The following HPSE2 variants were observed in gnomAD, a reference collection of about 807,000 sequenced individuals.
The protein encoded by HPSE2 is inactive heparanase-2.
Under a neutral mutation model 60.5 loss-of-function variants are expected in HPSE2, and 38 were observed. The ratio of observed to expected loss-of-function variants is 0.63; its 90% confidence interval spans 0.48 to 0.82. The LOEUF (loss-of-function observed/expected upper bound fraction) is 0.82. Ranked by LOEUF, HPSE2 falls within the 40% of genes least tolerant of loss-of-function variation. The pLI, the probability that HPSE2 is intolerant of heterozygous loss-of-function variation, is 0.00. For synonymous variants in HPSE2, 295 were observed against 293.2 expected, an observed-to-expected ratio of 1.01 and a Z score of -0.06; for missense variants, 713 against 740.4, an observed-to-expected ratio of 0.96 and a Z score of 0.43.
chr10:99,214,342 T>A (rs1849046916), intron 2 of HPSE2, among the ~76,000 whole-genome samples: 1 of 152,190 alleles, frequency 6.6e-6, no homozygotes, highest in South Asian at 2.1e-4. Context: ...CAGCATATAT[T>A]CCTACTCCTT....
chr10:99,107,480 T>C (rs1008268395), intron 3 of HPSE2, among the ~76,000 whole-genome samples: 4 of 152,206 alleles, frequency 2.6e-5, no homozygotes, highest in African/African-American at 9.6e-5. Flanking sequence ...CATCAAACCA[T>C]GCCGTCTTCT....
At chr10:99,244,390 T>TATTATG in the HPSE2 span, among the ~76,000 whole-genome samples, 49 of 142,096 alleles carry the variant, frequency 3.4e-4, no homozygotes, top group East Asian at 4.5e-3. Flanking sequence ...CTTTTATTAT[T>TATTATG]ATTATTATTA....
chr10:98,854,029 A>C (rs1298302825), intron 3 of HPSE2, among the ~76,000 whole-genome samples: 4 of 152,188 alleles, frequency 2.6e-5, no homozygotes, highest in Non-Finnish European at 5.9e-5. Context: ...TAAAAATATT[A>C]AGAAAAGTGA....
intron 9 of HPSE2, among the ~76,000 whole-genome samples, chr10:98,520,525 G>A (rs531279078): frequency 3.5e-4 from 53 of 152,296 alleles, no homozygotes; most frequent in Admixed American, 3.4e-3. Flanking sequence ...AGCAGACCCT[G>A]CTCTCCAAAG....
chr10:98,761,782 A>C (rs1950009745), intron 3 of HPSE2, among the ~76,000 whole-genome samples: 1 of 152,202 alleles, frequency 6.6e-6, no homozygotes, highest in Admixed American at 6.5e-5. Flanking sequence ...ATCTGTAATG[A>C]AGGTGAGTTT....
chr10:99,026,405 G>A (rs1343407506), intron 3 of HPSE2, among the ~76,000 whole-genome samples: 1 of 152,032 alleles, frequency 6.6e-6, no homozygotes, highest in Non-Finnish European at 1.5e-5. Context: ...GGTCAATTTA[G>A]CAAGAGAACA....
chr10:98,975,143 G>A (rs1956055833), intron 3 of HPSE2, among the ~76,000 whole-genome samples: 1 of 151,894 alleles, frequency 6.6e-6, no homozygotes, highest in Admixed American at 6.6e-5. Flanking sequence ...CTTTTGTTTG[G>A]GTGACTGGTT....
chr10:98,840,140 AT>A (rs1951876999), intron 3 of HPSE2, among the ~76,000 whole-genome samples: 1 of 152,156 alleles, frequency 6.6e-6, no homozygotes, highest in Non-Finnish European at 1.5e-5. Context: ...TAAATGAACT[AT>A]TTTTTAATTA....
At chr10:99,221,494 G>A (rs1225843089) in intron 2 of HPSE2, among the ~76,000 whole-genome samples, 5 of 152,164 alleles carry the variant, frequency 3.3e-5, no homozygotes, top group East Asian at 1.9e-4. Flanking sequence ...AGCAGAATAC[G>A]AAAATGGCCA....
At chr10:99,256,944 T>A in the HPSE2 span, among the ~76,000 whole-genome samples, 4 of 152,332 alleles carry the variant, frequency 2.6e-5, no homozygotes, top group South Asian at 8.3e-4. Flanking sequence ...CAGAATAACG[T>A]GGATTGTGAA....
chr10:99,211,479 GA>G (rs1418269888), intron 2 of HPSE2, among the ~76,000 whole-genome samples: 1 of 151,432 alleles, frequency 6.6e-6, no homozygotes, highest in Non-Finnish European at 1.5e-5. Flanking sequence ...GTAATAAAAA[GA>G]AAAAAAAGTA....
chr10:98,526,959 C>G (rs1053063736), intron 9 of HPSE2, among the ~76,000 whole-genome samples: 17 of 152,116 alleles, frequency 1.1e-4, no homozygotes, highest in Non-Finnish European at 1.9e-4. Context: ...AAAGGGACCT[C>G]AAACCCACTC....
chr10:98,827,824 A>G lies in HPSE2; in HGVS notation c.611-83768T>C, dbSNP rs187724708. Among the ~76,000 whole-genome samples the G allele has an allele frequency of 4.8e-3, 725 of 152,372 alleles. 3 individuals carry two copies. The highest frequency in any genetic ancestry group is 7.3e-3 in the Non-Finnish European group (496 of 68,036). ...GATAGCTAATTTTATGTAGATCACA[A>G]TACCTAGATATTGGGTCAAACATTA... On this transcript the variant is annotated intron_variant, in intron 3 of 11. Transcript: ENST00000370552.
At chr10:98,963,612 T>C (rs1358963428) in intron 3 of HPSE2, among the ~76,000 whole-genome samples, 1 of 152,140 alleles carries the variant, frequency 6.6e-6, no homozygotes, top group Admixed American at 6.6e-5. Flanking sequence ...GCCACATGAA[T>C]GAAAAGTAAT....
intron 3 of HPSE2, among the ~76,000 whole-genome samples, chr10:99,005,614 G>T (rs556256792): frequency 2.0e-5 from 3 of 151,994 alleles, no homozygotes; most frequent in African/African-American, 7.2e-5. Context: ...GCTTCCTTAA[G>T]ACAATCATCT....
At chr10:98,693,338 T>C (rs1948127866) in intron 6 of HPSE2, among the ~76,000 whole-genome samples, 1 of 152,242 alleles carries the variant, frequency 6.6e-6, no homozygotes, top group Admixed American at 6.5e-5. Flanking sequence ...TTCATTATCC[T>C]GCAGTAACAG....
At chr10:99,138,196 A>G (rs147994189) in intron 3 of HPSE2, among the ~76,000 whole-genome samples, 5 of 152,218 alleles carry the variant, frequency 3.3e-5, no homozygotes, top group African/African-American at 1.2e-4. Context: ...ATGGGATACC[A>G]TCTCACGCCA....
intron 3 of HPSE2, among the ~76,000 whole-genome samples, chr10:98,852,117 G>GTA (rs1952190588): frequency 2.7e-5 from 1 of 37,078 alleles, no homozygotes; most frequent in Non-Finnish European, 9.3e-5. Context: ...ATTATGATGT[G>GTA]TGTGTGTGTG....
chr10:98,827,151 TAA>T (rs1331240173), intron 3 of HPSE2, among the ~76,000 whole-genome samples: 180 of 71,096 alleles, frequency 2.5e-3, no homozygotes, highest in African/African-American at 7.0e-3. Flanking sequence ...ACCCTGTCTC[TAA>T]AAAAAAATTT....
Sources: gnomAD v4.1 joint callset for allele counts (sites outside exome capture counted in the v4.1 genomes callset) on GRCh38, gnomAD v4.1.1 for gene constraint, MANE v1.5 for transcripts, NCBI Gene and HGNC (gene_info 2026-07-23, HGNC 2026-07-21) for gene names.